N4BP2L2: variants seen among roughly 807,000 people sequenced by gnomAD.
N4BP2L2 encodes the protein NEDD4-binding protein 2-like 2.
Under a neutral mutation model 56.2 loss-of-function variants are expected in N4BP2L2, and 50 were observed. The ratio of observed to expected loss-of-function variants is 0.89; its 90% CI spans 0.71 to 1.13. The LOEUF is 1.13. Among genes scored for constraint, N4BP2L2 ranks in the 50% most tolerant of loss-of-function variants. The pLI, the probability that N4BP2L2 is intolerant of heterozygous loss-of-function variation, is 0.00. For missense variants in N4BP2L2, 689 were observed against 693.8 expected, an observed-to-expected ratio of 0.99 and a Z score of 0.08; for synonymous variants, 203 against 223.6, an observed-to-expected ratio of 0.91 and a Z score of 0.82.
intron 6 of N4BP2L2, among the ~76,000 whole-genome samples, chr13:32,472,734 C>T (rs118161154): frequency 0.014 from 2,183 of 152,302 alleles, 30 homozygotes; most frequent in Non-Finnish European, 0.025. Context: ...CTCCTGACTC[C>T]TAGTCTGCCA....
chr13:32,490,216 T>A (rs938218377), intron 6 of N4BP2L2: 2 of 152,244 alleles, frequency 1.3e-5, no homozygotes, highest in Non-Finnish European at 2.9e-5. Flanking sequence ...TACTATTACA[T>A]AGGACAGTGC....
chr13:32,446,574 A>G, intron 6 of N4BP2L2: 1 of 1,239,302 alleles, frequency 8.1e-7, no homozygotes, highest in Non-Finnish European at 1.0e-6. Context: ...TAAGAGACTC[A>G]CTGCAGCACT....
chr13:32,497,257 C>A (rs1454224939), intron 6 of N4BP2L2, among the ~76,000 whole-genome samples: 1 of 152,140 alleles, frequency 6.6e-6, no homozygotes, highest in East Asian at 1.9e-4. Flanking sequence ...GGAAAACAAA[C>A]AAAAACCCCA....
At chr13:32,530,910 A>C (rs2140248452) in intron 2 of N4BP2L2, among the ~76,000 whole-genome samples, 1 of 148,032 alleles carries the variant, frequency 6.8e-6, no homozygotes, top group Admixed American at 6.7e-5. Flanking sequence ...AAAAAAAAGT[A>C]GCTTCTGTCT....
chr13:32,434,777 A>G (rs2075286836), intron 9 of N4BP2L2, among the ~76,000 whole-genome samples: 1 of 152,238 alleles, frequency 6.6e-6, no homozygotes, highest in Non-Finnish European at 1.5e-5. Context: ...TCAATAAAAT[A>G]GTAAAAAAAT....
chr13:32,446,264 G>A (rs2077032011), intron 6 of N4BP2L2: 7 of 798,214 alleles, frequency 8.8e-6, no homozygotes, highest in Middle Eastern at 2.8e-4. Context: ...GAACACTAAT[G>A]TACCTAGAAA....
rs376168106 is a variant in N4BP2L2, at chr13:32,468,817, G to A, written c.366-24691C>T. ...AAAAGAGAGAGAGCCAGAGTTGTTCGTCTTATAGATAGACAGGGGAGAGCC... is the reference window on the plus strand; with the variant it reads ...AAAAGAGAGAGAGCCAGAGTTGTTCATCTTATAGATAGACAGGGGAGAGCC... On this transcript the variant is annotated intron_variant, in intron 6 of 9. Transcript: ENST00000357505. Among the ~76,000 whole-genome samples the A allele has an allele frequency of 2.0e-4, 30 of 152,340 alleles. No homozygotes were observed. In the South Asian group the frequency reaches 3.5e-3, roughly 18 times the overall value.
At chr13:32,505,683 T>C (rs936332852), downstream of N4BP2L2, 3 of 152,216 alleles carry the variant, frequency 2.0e-5, no homozygotes, top group South Asian at 2.1e-4. Flanking sequence ...ATAATAAGCA[T>C]TGCCTTTCCC....
chr13:32,476,715 C>A (rs1248912424), intron 6 of N4BP2L2, among the ~76,000 whole-genome samples: 1 of 152,056 alleles, frequency 6.6e-6, no homozygotes, highest in Non-Finnish European at 1.5e-5. Flanking sequence ...GAACAAGGAA[C>A]AGCAAAAACA....
At position 32,521,908 on chromosome 13, in the gene N4BP2L2, G is replaced by A. The variant is rs568252820; in HGVS notation, c.1473+274C>T. Reference sequence around the variant, plus strand: ...GGAGAATCGCTTCAACTGGGGAGGCGGAGCTTGCAGTGAGCCAAGATGGTG... The same window carrying A: ...GGAGAATCGCTTCAACTGGGGAGGCAGAGCTTGCAGTGAGCCAAGATGGTG... On this transcript the variant is annotated intron_variant, in intron 4 of 5. Coordinates refer to ENST00000267068, the Ensembl canonical transcript of N4BP2L2. 4.6e-5 allele frequency: 16 copies of A among 344,540 alleles called. No homozygotes were observed. The East Asian group carries it at 6.9e-4, about 15-fold the overall frequency. 21.3% of individuals were successfully genotyped at this position (344,540 alleles called of 1,614,324 possible). A position where few individuals can be genotyped will look rare whatever the true frequency, so the allele number is the denominator to read the frequency against.
At chr13:32,517,709 C>T in exon 6 of N4BP2L2, 1 of 1,481,080 alleles carries the variant, frequency 6.8e-7, no homozygotes, top group South Asian at 1.4e-5. Context: ...GGCACTGTAG[C>T]CTTTTTTTAT....
At chr13:32,500,870 T>A (rs911687534) in intron 6 of N4BP2L2, among the ~76,000 whole-genome samples, 11 of 148,214 alleles carry the variant, frequency 7.4e-5, no homozygotes, top group Non-Finnish European at 1.6e-4. Flanking sequence ...CTTTTCTTTT[T>A]TTTTTTTTTT....
At chr13:32,432,719 T>C (rs2074996890) in exon 10 of N4BP2L2, 1 of 152,232 alleles carries the variant, frequency 6.6e-6, no homozygotes, top group Non-Finnish European at 1.5e-5. Context: ...TTTCTGTGCC[T>C]TACTTTCTTC....
Position 32,522,006 on chromosome 13 carries a change from C to T in N4BP2L2, c.1473+176G>A, listed in dbSNP as rs1302279528. 1.3e-5 allele frequency: 7 copies of T among 558,492 alleles called. No individual in the cohort carries two copies. In the East Asian group the frequency reaches 2.3e-4, roughly 19 times the overall value. 34.6% of individuals were successfully genotyped at this position (558,492 alleles called of 1,614,324 possible). A position where few individuals can be genotyped will look rare whatever the true frequency, so the allele number is the denominator to read the frequency against. On this transcript the variant is annotated intron_variant, in intron 4 of 5. Transcript: ENST00000267068. Reference sequence around the variant, plus strand: ...AACAAACAAAAATTAACAAGATGAACATGTTCCTTAAAAAACATCATTCAC... The same window carrying T: ...AACAAACAAAAATTAACAAGATGAATATGTTCCTTAAAAAACATCATTCAC...
exon 1 of N4BP2L2, chr13:32,538,682 C>T (rs1197881795): frequency 1.0e-6 from 1 of 985,502 alleles, no homozygotes; most frequent in Non-Finnish European, 1.2e-6. Flanking sequence ...AAGACACGAA[C>T]CTCTGTGAAG....
chr13:32,535,641 T>C lies in N4BP2L2; in HGVS notation c.1259+128A>G, dbSNP rs1019789912. On this transcript the variant is annotated intron_variant, in intron 2 of 5. Coordinates refer to ENST00000267068, the Ensembl canonical transcript of N4BP2L2. The stretch of plus-strand genomic sequence containing the variant: ...CTGGTCTCAAACTCCTGAGCTCAAG[T>C]GACTGGTCCACCCTGGCCTCCCAAA... 3.2e-6 allele frequency: 3 copies of C among 943,570 alleles called. No individual in the cohort carries two copies. In the African/African-American group the frequency reaches 5.0e-5, roughly 16 times the overall value. The allele number at this position is 943,570 out of a possible 1,614,324, so 58.4% of individuals were successfully genotyped here.
chr13:32,506,477 C>A (rs541466001), downstream of N4BP2L2: 2 of 152,156 alleles, frequency 1.3e-5, no homozygotes, highest in African/African-American at 4.8e-5. Flanking sequence ...GAATACTAAT[C>A]TTTCCCAGCC....
intron 6 of N4BP2L2, among the ~76,000 whole-genome samples, chr13:32,494,679 T>C (rs59332979): frequency 0.045 from 6,890 of 152,020 alleles, 501 homozygotes; most frequent in African/African-American, 0.16. Flanking sequence ...GGCAGGAGAA[T>C]GGCGTGAACC....
At chr13:32,528,867 T>C (rs747619933) in intron 2 of N4BP2L2, among the ~76,000 whole-genome samples, 3 of 152,196 alleles carry the variant, frequency 2.0e-5, no homozygotes, top group Non-Finnish European at 2.9e-5. Flanking sequence ...AATGGTATCA[T>C]ATACAGTTCT....
Sources: gnomAD v4.1 joint callset for allele counts (sites outside exome capture counted in the v4.1 genomes callset) on GRCh38, gnomAD v4.1.1 for gene constraint, MANE v1.5 for transcripts, NCBI Gene and HGNC (gene_info 2026-07-23, HGNC 2026-07-21) for gene names.